CNTN4: variants seen among roughly 807,000 people sequenced by gnomAD.
CNTN4 encodes contactin 4.
A neutral mutation model predicts 122.5 loss-of-function variants in CNTN4; 77 were observed. The observed-to-expected ratio is 0.63, with a 90% CI of 0.52 to 0.76. The LOEUF (loss-of-function observed/expected upper bound fraction) is 0.76. Ranked by LOEUF, CNTN4 falls within the 30% of genes least tolerant of loss-of-function variation. CNTN4 has a pLI of 0.00. For synonymous variants in CNTN4, 512 were observed against 447.0 expected (o/e 1.15, Z -1.83); for missense variants, 1,256 against 1,259.1 (o/e 1.00, Z 0.04).
chr3:2,332,201 C>T (rs144187971), intron 2 of CNTN4, among the ~76,000 whole-genome samples: 5 of 152,254 alleles, frequency 3.3e-5, no homozygotes, highest in South Asian at 2.1e-4. Context: ...ACTACAGCTC[C>T]GGTAATGTTA....
At chr3:2,127,678 T>A in intron 2 of CNTN4, among the ~76,000 whole-genome samples, 1 of 152,170 alleles carries the variant, frequency 6.6e-6, no homozygotes, top group East Asian at 1.9e-4. Flanking sequence ...ATATTGGAAA[T>A]ATATGCCAAT....
rs9842621 is a variant in CNTN4, at chr3:2,419,377, G to T, written c.-89+80144G>T. On this transcript the variant is annotated intron_variant, in intron 3 of 24. Coordinates refer to ENST00000418658, the MANE Select transcript of CNTN4 (RefSeq NM_175607.3). The stretch of plus-strand genomic sequence containing the variant: ...GGAATCTTCTATCAAGAAATAAAGA[G>T]GTGGGAGTGGGGAGATCTACCTCTG... 5.7e-3 allele frequency among the ~76,000 whole-genome samples: 870 copies of T among 152,114 alleles called. 4 individuals carry two copies. The highest frequency in any genetic ancestry group is 0.02 in the African/African-American group (815 of 41,472).
intron 4 of CNTN4, among the ~76,000 whole-genome samples, chr3:2,668,992 C>T (rs1210393065): frequency 6.6e-6 from 1 of 152,138 alleles, no homozygotes; most frequent in Non-Finnish European, 1.5e-5. Flanking sequence ...ATTCGGTTTG[C>T]CAGTATTTTA....
chr3:2,199,027 AGCCC>A (rs2037973716), intron 2 of CNTN4, among the ~76,000 whole-genome samples: 1 of 152,200 alleles, frequency 6.6e-6, no homozygotes, highest in Non-Finnish European at 1.5e-5. Flanking sequence ...TGGGTCATGC[AGCCC>A]ATGGCCAAGA....
At chr3:2,306,409 A>T (rs2150108882) in intron 2 of CNTN4, among the ~76,000 whole-genome samples, 1 of 152,248 alleles carries the variant, frequency 6.6e-6, no homozygotes, top group Non-Finnish European at 1.5e-5. Context: ...TGATTTGAGC[A>T]TCTTTCATGT....
intron 7 of CNTN4, among the ~76,000 whole-genome samples, chr3:2,857,401 G>A (rs1027537299): frequency 2.6e-5 from 4 of 152,136 alleles, no homozygotes; most frequent in African/African-American, 9.7e-5. Flanking sequence ...GTAAAATATG[G>A]TGATACCTTT....
At chr3:2,363,030 A>G (rs1300885702) in intron 3 of CNTN4, among the ~76,000 whole-genome samples, 2 of 152,032 alleles carry the variant, frequency 1.3e-5, no homozygotes, top group African/African-American at 4.8e-5. Flanking sequence ...CCAGGTTTCT[A>G]CAGGAGGATC....
At chr3:2,313,644 T>C (rs922295428) in intron 2 of CNTN4, among the ~76,000 whole-genome samples, 1 of 152,020 alleles carries the variant, frequency 6.6e-6, no homozygotes, top group Non-Finnish European at 1.5e-5. Flanking sequence ...TTAGCCATGC[T>C]CATACAGTCA....
In CNTN4 at chr3:2,745,629, C is replaced by A. The variant is rs780874348; in HGVS notation, c.290C>A (p.Thr97Lys). ...NNPNKTQDAG[T>K]YQCTATNSFG... ...CCCAATAAAACCCAAGATGCTGGAA[C>A]GTACCAGTGCACAGCGACAAACTCG... Residue 97 changes from threonine (T) to lysine (K), a missense_variant, in exon 6 of 25, where the codon ACG (threonine) becomes AAG (lysine). Physicochemically the swap from Thr to Lys is moderately conservative, Grantham distance 78. Coordinates refer to ENST00000418658, the MANE Select transcript of CNTN4 (RefSeq NM_175607.3). 3 of 1,614,102 alleles carry A rather than the reference C, an allele frequency of 1.9e-6. No individual in the cohort carries two copies. The highest frequency in any genetic ancestry group is 1.3e-5 in the African/African-American group (1 of 75,042).
rs939406674 is a variant in CNTN4 at position 2,385,970 on chromosome 3, T to C, written c.-89+46737T>C. ...TCGCTCCCGAGAATCCTTCTTTTTA[T>C]GTTCAGAAGAGAGGTTATCACCCCA... On this transcript the variant is annotated intron_variant, in intron 3 of 24. Transcript: ENST00000418658. This position sits in a 1 kb window ranked among gnomAD's most constrained non-coding sequence, Gnocchi z 4.0. 6.6e-6 allele frequency among the ~76,000 whole-genome samples: 1 copy of C among 152,118 alleles called. No homozygotes were observed. The highest frequency in any genetic ancestry group is 1.5e-5 in the Non-Finnish European group (1 of 68,032).
chr3:2,308,389 T>G (rs2042794133), intron 2 of CNTN4, among the ~76,000 whole-genome samples: 1 of 152,046 alleles, frequency 6.6e-6, no homozygotes, highest in African/African-American at 2.4e-5. Context: ...TGTTTTTTGT[T>G]TGCAATTCCC....
At chr3:2,628,567 C>T (rs184870870) in intron 4 of CNTN4, among the ~76,000 whole-genome samples, 60 of 152,298 alleles carry the variant, frequency 3.9e-4, no homozygotes, top group Non-Finnish European at 7.8e-4. Context: ...CTCTGATTGC[C>T]ATCAGTAGGG....
chr3:2,593,686 G>A (rs1376048838), intron 4 of CNTN4, among the ~76,000 whole-genome samples: 2 of 152,086 alleles, frequency 1.3e-5, no homozygotes, highest in African/African-American at 2.4e-5. Flanking sequence ...AAATATTTTA[G>A]GGAAGAGAAT....
chr3:2,903,639 T>G (rs761086964), intron 12 of CNTN4, among the ~76,000 whole-genome samples: 1 of 152,234 alleles, frequency 6.6e-6, no homozygotes, highest in Non-Finnish European at 1.5e-5. Flanking sequence ...TCCATCTTCA[T>G]TGGTGCTTCC....
chr3:2,814,575 G>C (rs572486683), intron 6 of CNTN4, among the ~76,000 whole-genome samples: 2 of 152,354 alleles, frequency 1.3e-5, no homozygotes, highest in South Asian at 4.1e-4. Context: ...ACTATGTGTT[G>C]AAATGTGGAT....
At chr3:2,548,183 A>G (rs1209992749) in intron 3 of CNTN4, among the ~76,000 whole-genome samples, 1 of 152,060 alleles carries the variant, frequency 6.6e-6, no homozygotes, top group East Asian at 1.9e-4. Flanking sequence ...CTGTAATTAG[A>G]TCCCATTTGT....
intron 7 of CNTN4, among the ~76,000 whole-genome samples, chr3:2,858,582 C>A (rs2093640077): frequency 1.3e-5 from 2 of 151,964 alleles, no homozygotes; most frequent in South Asian, 4.1e-4. Context: ...CAAAAATTAG[C>A]CAGGCACAGT....
chr3:2,275,916 T>C (rs1328326090), intron 2 of CNTN4, among the ~76,000 whole-genome samples: 2 of 74,616 alleles, frequency 2.7e-5, no homozygotes, highest in African/African-American at 4.8e-5. Flanking sequence ...CCAGACTCTG[T>C]CTCAAAAAAA....
intron 10 of CNTN4, among the ~76,000 whole-genome samples, chr3:2,896,011 C>A (rs1053157400): frequency 6.6e-6 from 1 of 152,136 alleles, no homozygotes; most frequent in East Asian, 1.9e-4. Flanking sequence ...CTGGTCTGGG[C>A]GACAGAGCCA....
Sources: allele counts gnomAD v4.1 joint callset (sites outside exome capture counted in the v4.1 genomes callset), GRCh38; gene constraint gnomAD v4.1.1; non-coding constraint Gnocchi (gnomAD v3.1); transcripts MANE v1.5; gene names NCBI Gene and HGNC (gene_info 2026-07-23, HGNC 2026-07-21).